The following SNAP47 variants were observed in gnomAD, a reference collection of about 807,000 sequenced individuals.
SNAP47 encodes synaptosomal-associated protein 47.
In SNAP47, 20 loss-of-function variants were observed where a neutral mutation model predicts 31.4. The ratio of observed to expected loss-of-function variants is 0.64; its 90% CI spans 0.45 to 0.93. SNAP47 has a LOEUF of 0.93. Among genes scored for constraint, SNAP47 ranks in the 40% least tolerant of loss-of-function variants. The probability of loss-of-function intolerance (pLI) is 0.00; values close to 1 mark genes in which losing one functional copy is unlikely to be tolerated. For missense variants in SNAP47, 492 were observed against 528.5 expected (o/e 0.93, Z 0.68); for synonymous variants, 194 against 213.4 (o/e 0.91, Z 0.79).
Position 227,747,694 on chromosome 1 carries a change from G to A in SNAP47, c.-43G>A, listed in dbSNP as rs763981209. 6.3e-7 allele frequency: 1 copy of A among 1,588,112 alleles called. No individual in the cohort carries two copies. Among genetic ancestry groups the A allele is most frequent in the Non-Finnish European group, 8.6e-7 (1 of 1,162,706 alleles). On this transcript the variant is annotated splice_region_variant and 5_prime_UTR_variant, in exon 2 of 5. Coordinates refer to ENST00000617596, the MANE Select transcript of SNAP47 (RefSeq NM_053052.4). Reference sequence around the variant, plus strand: ...CGTTACTGTCTCTTCTCCTTCAGAGGCAGAAGAGGCCTGGACCTTGGCGCA... The same window carrying A: ...CGTTACTGTCTCTTCTCCTTCAGAGACAGAAGAGGCCTGGACCTTGGCGCA...
upstream of SNAP47, chr1:227,734,524 T>G: frequency 4.9e-6 from 4 of 811,102 alleles, no homozygotes; most frequent in Admixed American, 7.3e-5. Flanking sequence ...TCTTTTAAAC[T>G]GATTAAAGTG....
rs200446429 is a variant in SNAP47, at chr1:227,748,088, C to T, written c.352C>T (p.Arg118Trp). The change falls in exon 2 of 5, where the codon CGG becomes TGG. Residue 118 changes from arginine to tryptophan, a missense_variant. Arg to Trp is a moderately radical substitution (Grantham distance 101). Transcript: ENST00000617596. ...GGCAGACGCATCTGTCCCAAGGACC[C>T]GGGGCGAGGAGCTGACGGGACTCAT... ...AVADASVPRT[R>W]GEELTGLMAG... 23 of 1,614,078 alleles carry T rather than the reference C, an allele frequency of 1.4e-5. No individual in the cohort carries two copies. Among genetic ancestry groups the T allele is most frequent in the South Asian group, 4.4e-5 (4 of 91,072 alleles).
intron 4 of SNAP47, chr1:227,775,991 A>C: frequency 8.0e-7 from 1 of 1,250,970 alleles, no homozygotes. Flanking sequence ...GTGTTGGAGG[A>C]AAGTGGCTTT....
chr1:227,735,072 G>T, upstream of SNAP47: 1 of 1,558,668 alleles, frequency 6.4e-7, no homozygotes, highest in Non-Finnish European at 8.7e-7. Flanking sequence ...CAGCGCCGCC[G>T]GCTGCCCCAG....
At chr1:227,735,356 C>T (rs762796843), upstream of SNAP47, 3 of 1,593,418 alleles carry the variant, frequency 1.9e-6, no homozygotes, top group East Asian at 6.8e-5. Flanking sequence ...AACCAGAAGA[C>T]GCAGGGCGCC....
intron 2 of SNAP47, among the ~76,000 whole-genome samples, chr1:227,752,776 C>G (rs1019544681): frequency 6.6e-6 from 1 of 152,190 alleles, no homozygotes; most frequent in African/African-American, 2.4e-5. Flanking sequence ...GACTCCAGAT[C>G]AGGGGTTTTT....
intron 4 of SNAP47, chr1:227,770,663 T>G (rs1663743605): frequency 6.5e-6 from 1 of 154,792 alleles, no homozygotes; most frequent in Non-Finnish European, 1.5e-5. Context: ...AATCTAAACT[T>G]TCCTCAATTA....
In SNAP47 at chr1:227,762,204, T is replaced by C. The variant is rs1188942779; in HGVS notation, c.988+2719T>C. On this transcript the variant is annotated intron_variant, in intron 3 of 4. Coordinates refer to ENST00000617596, the MANE Select transcript of SNAP47 (RefSeq NM_053052.4). The surrounding 1 kb of genome is among the most constrained non-coding windows in gnomAD (Gnocchi z 4.2). Reference sequence around the variant, plus strand: ...CTGTTGCTCCTGTGGGGGACTGTTGTGCCACCTTTCCGTGCTCACTTTCAC... The same window carrying C: ...CTGTTGCTCCTGTGGGGGACTGTTGCGCCACCTTTCCGTGCTCACTTTCAC... Among the ~76,000 whole-genome samples the C allele has an allele frequency of 6.6e-6, 1 of 152,216 alleles. No homozygotes were observed. Among genetic ancestry groups the C allele is most frequent in the Non-Finnish European group, 1.5e-5 (1 of 68,038 alleles).
Position 227,748,247 on chromosome 1 carries a change from GTA to G in SNAP47, c.497+15_497+16del, listed in dbSNP as rs1662109118. The G allele has an allele frequency of 1.3e-6, 2 of 1,549,190 alleles. No homozygotes were observed. The highest frequency in any genetic ancestry group is 1.7e-6 in the Non-Finnish European group (2 of 1,149,054). On this transcript the variant is annotated intron_variant, in intron 2 of 4. Coordinates refer to ENST00000617596, the MANE Select transcript of SNAP47 (RefSeq NM_053052.4). ...GGTGGCGGACAGGTGGGCTTGCTGT[GTA>G]CACTTTGCAAGGCACACACAGAGTA...
At chr1:227,755,317 C>T (rs1572017129) in intron 2 of SNAP47, among the ~76,000 whole-genome samples, 1 of 152,344 alleles carries the variant, frequency 6.6e-6, no homozygotes, top group Non-Finnish European at 1.5e-5. Context: ...GATCCTCCCA[C>T]CTCAGCCTCC....
intron 4 of SNAP47, among the ~76,000 whole-genome samples, chr1:227,779,900 T>C (rs1483066922): frequency 6.6e-6 from 1 of 152,132 alleles, no homozygotes; most frequent in East Asian, 1.9e-4. Flanking sequence ...TGCCTCCACC[T>C]TCTGCATCTG....
At chr1:227,753,347 A>G (rs576705775) in intron 2 of SNAP47, among the ~76,000 whole-genome samples, 47 of 152,196 alleles carry the variant, frequency 3.1e-4, no homozygotes, top group Admixed American at 4.6e-4. Context: ...TAAGATTTCT[A>G]CCTCACTTAT....
intron 4 of SNAP47, among the ~76,000 whole-genome samples, chr1:227,771,901 A>G (rs1200862005): frequency 2.0e-5 from 3 of 152,194 alleles, no homozygotes; most frequent in East Asian, 3.9e-4. Context: ...AGGGCCTGGC[A>G]GGAGAGAGTG....
intron 4 of SNAP47, among the ~76,000 whole-genome samples, chr1:227,779,373 C>T (rs1405940803): frequency 6.6e-6 from 1 of 152,190 alleles, no homozygotes; most frequent in Non-Finnish European, 1.5e-5. Flanking sequence ...GGATGCTGAG[C>T]CTCCCGCCAT....
At chr1:227,749,314 TGG>T (rs1031384672) in intron 2 of SNAP47, among the ~76,000 whole-genome samples, 7 of 152,132 alleles carry the variant, frequency 4.6e-5, no homozygotes, top group African/African-American at 1.7e-4. Flanking sequence ...GCGTGAGTCT[TGG>T]GGGGCTGCTT....
chr1:227,751,627 C>A (rs79740873), intron 2 of SNAP47, among the ~76,000 whole-genome samples: 1 of 152,032 alleles, frequency 6.6e-6, no homozygotes, highest in Non-Finnish European at 1.5e-5. Flanking sequence ...GGCGCCCAGC[C>A]TCCAGGACAT....
chr1:227,780,405 C>T lies in SNAP47; in HGVS notation c.1114-122C>T, dbSNP rs944132018. 30 of 1,405,142 alleles carry T rather than the reference C, an allele frequency of 2.1e-5. No individual in the cohort carries two copies. The Middle Eastern group carries it at 7.2e-4, about 34-fold the overall frequency. The allele number at this position is 1,405,142 out of a possible 1,614,324, so 87.0% of individuals were successfully genotyped here. ...GGCTGCCGGCTCCCTCCTGCTGGCT[C>T]GCAGATGGCATCACCCAGGTGGTAA... On this transcript the variant is annotated intron_variant, in intron 4 of 4. Coordinates refer to ENST00000617596, the MANE Select transcript of SNAP47 (RefSeq NM_053052.4).
intron 1 of SNAP47, chr1:227,746,647 GA>G (rs1661982381): frequency 6.6e-6 from 1 of 152,248 alleles, no homozygotes; most frequent in Admixed American, 6.5e-5. Context: ...CGTGCTGCCA[GA>G]ATGAGGAGGA....
chr1:227,754,819 A>G (rs758718160), intron 2 of SNAP47, among the ~76,000 whole-genome samples: 3 of 152,192 alleles, frequency 2.0e-5, no homozygotes, highest in Non-Finnish European at 4.4e-5. Context: ...GAGGGAATCA[A>G]AAGTGTTTTG....
Sources: allele counts gnomAD v4.1 joint callset (sites outside exome capture counted in the v4.1 genomes callset), GRCh38; gene constraint gnomAD v4.1.1; non-coding constraint Gnocchi (gnomAD v3.1); transcripts MANE v1.5; gene names NCBI Gene and HGNC (gene_info 2026-07-23, HGNC 2026-07-21).